The following ARHGAP4 variants were observed in gnomAD, a reference collection of about 807,000 sequenced individuals.
ARHGAP4 encodes the protein Rho GTPase activating protein 4, also known as rho GTPase-activating protein 4.
A neutral mutation model predicts 67.6 loss-of-function variants in ARHGAP4; 25 were observed. The ratio of observed to expected loss-of-function variants is 0.37; its 90% CI spans 0.27 to 0.52. The LOEUF (loss-of-function observed/expected upper bound fraction) is 0.52, where lower values mean the gene tolerates loss of function less well. Among genes scored for constraint, ARHGAP4 ranks in the 20% least tolerant of loss-of-function variants. The pLI is 0.92. For synonymous variants in ARHGAP4, 448 were observed against 373.7 expected, an observed-to-expected ratio of 1.20 and a Z score of -2.29; for missense variants, 804 against 854.6, an observed-to-expected ratio of 0.94 and a Z score of 0.74.
Position 153,921,393 on chromosome X carries a change from G to A in ARHGAP4, c.407C>T (p.Ala136Val). The A allele has an allele frequency of 8.3e-7, 1 of 1,211,015 alleles. No individual in the cohort carries two copies. Among genetic ancestry groups the A allele is most frequent in the Non-Finnish European group, 1.1e-6 (1 of 895,457 alleles). ...CTTGACCAGGCGCCCCACGTCCTCT[G>A]CAATGTGACTCAGGCGCTGGGCCAG... is the stretch of plus-strand genomic sequence containing the variant. ...GPLAQRLSHI[A>V]EDVGRLVKKS... Residue 136 changes from alanine to valine, a missense_variant, in exon 3 of 22, where the codon GCA becomes GTA. Physicochemically the swap from Ala to Val is moderately conservative, Grantham distance 64 (BLOSUM62 0). Around this residue, in one of 2 missense-constraint regions of ARHGAP4, gnomAD observed 404 missense variants for 505.9 expected, o/e 0.80. Transcript: ENST00000350060.
chrX:153,908,250 C>T (rs2064986440), intron 21 of ARHGAP4, among the ~76,000 whole-genome samples: 1 of 112,298 alleles, frequency 8.9e-6, no homozygotes, highest in Non-Finnish European at 1.9e-5. Context: ...CAGCCCCCTG[C>T]CCATGGCCTC....
rs782444106 is a variant in ARHGAP4 at position 153,913,158 on chromosome X, G to A, written c.1411+60C>T. 33 of 1,155,304 alleles carry A rather than the reference G, an allele frequency of 2.9e-5. No individual in the cohort carries two copies. In the South Asian group the frequency reaches 3.8e-4, roughly 13 times the overall value. ...CAAGGACAGGCGGGAGGGGAGGACC[G>A]TGGGCTAGACAGGGTCCTGGGCAGG... is the stretch of plus-strand genomic sequence containing the variant. On this transcript the variant is annotated intron_variant, in intron 10 of 21. Transcript: ENST00000350060.
At chrX:153,917,477 G>A (rs2148524190) in intron 7 of ARHGAP4, among the ~76,000 whole-genome samples, 1 of 110,742 alleles carries the variant, frequency 9.0e-6, no homozygotes. Context: ...TAAAGGGTTG[G>A]CCGGGCACAG....
chrX:153,919,375 C>A, intron 5 of ARHGAP4, 92 bp from the exon 6 acceptor site: 1 of 1,189,310 alleles, frequency 8.4e-7, no homozygotes, highest in East Asian at 3.0e-5. Flanking sequence ...TCCCCTCCCA[C>A]TGTGGACAAC....
At chrX:153,917,479 C>T (rs1250676879) in intron 7 of ARHGAP4, among the ~76,000 whole-genome samples, 3 of 110,299 alleles carry the variant, frequency 2.7e-5, no homozygotes, top group East Asian at 2.9e-4. Flanking sequence ...AAGGGTTGGC[C>T]GGGCACAGTG....
Position 153,925,814 on chromosome X carries a change from G to A in ARHGAP4, c.67+322C>T, listed in dbSNP as rs147253700. Among the ~76,000 whole-genome samples, 129 of 113,211 alleles carry A rather than the reference G, an allele frequency of 1.1e-3. 1 individual carries two copies. In the East Asian group the frequency reaches 0.032, roughly 28 times the overall value. On this transcript the variant is annotated intron_variant, in intron 1 of 21. Transcript: ENST00000350060. ...CACTGTAGCTAAAATACTGCCTTCT[G>A]AGGGGCACGTTGGTGCATCTGGCTC...
rs1557105099 is a variant in ARHGAP4 at position 153,920,815 on chromosome X, G to T, written c.499-7C>A. 8.3e-7 allele frequency: 1 copy of T among 1,211,867 alleles called. No individual in the cohort carries two copies. The highest frequency in any genetic ancestry group is 1.1e-6 in the Non-Finnish European group (1 of 895,403). On this transcript the variant is annotated splice_polypyrimidine_tract_variant and splice_region_variant and intron_variant, in intron 4 of 21. Coordinates refer to ENST00000350060, the MANE Select transcript of ARHGAP4 (RefSeq NM_001666.5). ...CCTGGTACGTCTTCTTGGCCTGCAG[G>T]GAGACCCAAAGCAAGGTGGTGCTGG...
chrX:153,921,434 C>G lies in ARHGAP4; in HGVS notation c.366G>C (p.Glu122Asp). Residue 122 changes from glutamate (E) to aspartate (D), a missense_variant, in exon 3 of 22, where the codon GAG becomes GAC. Physicochemically the swap from Glu to Asp is conservative, Grantham distance 45. Transcript: ENST00000350060. ...QQSRESAALS[E>D]VLAGPLAQRL... is the part of the protein sequence containing the mutation. ...GCTGGGCCAGGGGCCCGGCCAGCACCTCACTCAGGGCCGCGCTCTCCCGGC... is the reference window on the plus strand; with the variant it reads ...GCTGGGCCAGGGGCCCGGCCAGCACGTCACTCAGGGCCGCGCTCTCCCGGC... 8.3e-7 allele frequency: 1 copy of G among 1,209,798 alleles called. No individual in the cohort carries two copies.
At chrX:153,908,088 C>G (rs1276032889) in intron 21 of ARHGAP4, 126 bp from the exon 22 acceptor site, 2 of 486,940 alleles carry the variant, frequency 4.1e-6, no homozygotes, top group Non-Finnish European at 6.1e-6. Context: ...CCCTCAGCCT[C>G]CAGGTCACTC....
Position 153,920,684 on chromosome X carries a change from G to A in ARHGAP4, c.623C>T (p.Thr208Ile), listed in dbSNP as rs2065086607. The A allele has an allele frequency of 8.3e-7, 1 of 1,211,746 alleles. No individual in the cohort carries two copies. The highest frequency in any genetic ancestry group is 1.1e-6 in the Non-Finnish European group (1 of 895,505). ...GCTCTTGCGGAGGGGCCCTGCCTCA[G>A]TGGCACCAGCGGTGGTGGTGGGGAC... ...RSVPTTTAGA[T>I]EAGPLRKSSL... is the part of the protein sequence containing the mutation. Residue 208 changes from threonine (T) to isoleucine (I), a missense_variant, in exon 5 of 22, where the codon ACT becomes ATT. Around this residue, in one of 2 missense-constraint regions of ARHGAP4, gnomAD observed 404 missense variants for 505.9 expected, o/e 0.80. Coordinates refer to ENST00000350060, the MANE Select transcript of ARHGAP4 (RefSeq NM_001666.5).
At chrX:153,924,220 T>A (rs2148529149) in intron 1 of ARHGAP4, among the ~76,000 whole-genome samples, 1 of 111,987 alleles carries the variant, frequency 8.9e-6, no homozygotes, top group Admixed American at 9.4e-5. Flanking sequence ...TTATGACAAC[T>A]GAACAGTGCA....
intron 7 of ARHGAP4, among the ~76,000 whole-genome samples, chrX:153,917,164 C>T (rs986869300): frequency 8.1e-5 from 9 of 110,889 alleles, no homozygotes; most frequent in Admixed American, 6.7e-4. Context: ...TGCAGTGAGC[C>T]GACATTGCGC....
chrX:153,916,130 A>T (rs1033307781), intron 7 of ARHGAP4, among the ~76,000 whole-genome samples: 24 of 112,353 alleles, frequency 2.1e-4, no homozygotes, highest in Non-Finnish European at 4.3e-4. Context: ...AAAATCAAGA[A>T]CTTCTTCCGA....
Position 153,907,595 on chromosome X carries a change from C to T in ARHGAP4, c.*134G>A, listed in dbSNP as rs1339083646. 2.7e-6 allele frequency: 1 copy of T among 371,524 alleles called. No individual in the cohort carries two copies. Among genetic ancestry groups the T allele is most frequent in the East Asian group, 4.2e-5 (1 of 23,830 alleles). 30.6% of individuals were successfully genotyped at this position (371,524 alleles called of 1,213,427 possible). A position where few individuals can be genotyped will look rare whatever the true frequency, so the allele number is the denominator to read the frequency against. On this transcript the variant is annotated 3_prime_UTR_variant, in exon 22 of 22. Coordinates refer to ENST00000350060, the MANE Select transcript of ARHGAP4 (RefSeq NM_001666.5). ...GGCATCCCTGTGTGCACGGCCCCAT[C>T]CCACCTCTCTGCACAGGGTGAAGTG...
In ARHGAP4 at chrX:153,926,146, C is replaced by T; in HGVS notation, c.57G>A (p.Thr19=). ...CCGGCGCCCTCTCACCTTTGACTTG[C>T]GTCTCATACTCAGCCTGCAGCCCCC... ...RERGLQAEYE[T]QVKEMRWQLS... Residue 19 remains threonine (T), a synonymous_variant, in exon 1 of 22, where the codon ACG becomes ACA. Transcript: ENST00000350060. 1.7e-6 allele frequency: 2 copies of T among 1,204,786 alleles called. No homozygotes were observed. The highest frequency in any genetic ancestry group is 1.1e-6 in the Non-Finnish European group (1 of 892,092).
In ARHGAP4 at chrX:153,921,806, A is replaced by G; in HGVS notation, c.71T>C (p.Met24Thr). 1 of 1,184,803 alleles carries G rather than the reference A, an allele frequency of 8.4e-7. No individual in the cohort carries two copies. Among genetic ancestry groups the G allele is most frequent in the Non-Finnish European group, 1.1e-6 (1 of 884,120 alleles). Residue 24 changes from methionine to threonine, a missense_variant, in exon 2 of 22, where the codon ATG becomes ACG. By Grantham distance (81) the Met-to-Thr change is moderately conservative. Coordinates refer to ENST00000350060, the MANE Select transcript of ARHGAP4 (RefSeq NM_001666.5). ...CAGCTGCTCGCTCAGCTGCCAGCGC[A>G]TCTCTGTGGGGGGAACCATGGCTCA... ...QAEYETQVKEMRWQLSEQLRC... is the reference protein window; with the variant it reads ...QAEYETQVKETRWQLSEQLRC...
At position 153,910,328 on chromosome X, in the gene ARHGAP4, C is replaced by A. The variant is rs782298922; in HGVS notation, c.1999G>T (p.Val667Leu). The A allele has an allele frequency of 8.3e-7, 1 of 1,209,013 alleles. No individual in the cohort carries two copies. Among genetic ancestry groups the A allele is most frequent in the Non-Finnish European group, 1.1e-6 (1 of 894,277 alleles). ...AVCFGPTLLPVPAGQDPVALQ... is the reference protein window; with the variant it reads ...AVCFGPTLLPLPAGQDPVALQ... Reference sequence around the variant, plus strand: ...GCCACCGGGTCCTGCCCAGCGGGCACCGGTAGCAGCGTGGGCCCGAAGCAC... The same window carrying A: ...GCCACCGGGTCCTGCCCAGCGGGCAACGGTAGCAGCGTGGGCCCGAAGCAC... Residue 667 changes from valine (V) to leucine (L), a missense_variant, in exon 17 of 22, where the codon GTG becomes TTG. By Grantham distance (32) the Val-to-Leu change is conservative. Around this residue, in one of 2 missense-constraint regions of ARHGAP4, gnomAD observed 400 missense variants for 348.7 expected, o/e 1.15. Transcript: ENST00000350060.
chrX:153,907,786 T>C lies in ARHGAP4; in HGVS notation c.2784A>G (p.Pro928=). The C allele has an allele frequency of 2.0e-6, 2 of 1,009,396 alleles. No individual in the cohort carries two copies. The highest frequency in any genetic ancestry group is 2.5e-6 in the Non-Finnish European group (2 of 788,203). The allele number at this position is 1,009,396 out of a possible 1,213,427, so 83.2% of individuals were successfully genotyped here. ...NKGFSRGPGA[P]ASPSASHPQG... ...GGGGGTGGGAAGCTGAGGGTGAGGC[T>C]GGGGCCCCAGGGCCCCGGGAGAAGC... Residue 928 remains proline (P), a synonymous_variant, in exon 22 of 22, where the codon CCA becomes CCG. Transcript: ENST00000350060.
chrX:153,918,725 C>A, intron 7 of ARHGAP4, 107 bp downstream of exon 7: 1 of 869,343 alleles, frequency 1.2e-6, no homozygotes. Flanking sequence ...CTGCCTGAGA[C>A]CATGGAGAAC....
Sources: gnomAD v4.1 joint callset for allele counts (sites outside exome capture counted in the v4.1 genomes callset) on GRCh38, gnomAD v4.1.1 for gene constraint, gnomAD v4.1.1 regional missense constraint, MANE v1.5 for transcripts, NCBI Gene and HGNC (gene_info 2026-07-23, HGNC 2026-07-21) for gene names.